RHBDF2: variants seen among roughly 807,000 people sequenced by gnomAD.
RHBDF2 encodes inactive rhomboid protein 2.
In RHBDF2, 38 loss-of-function variants were observed where a neutral mutation model predicts 95.2. The observed-to-expected ratio is 0.40, with a 90% CI of 0.31 to 0.52. RHBDF2 has a LOEUF of 0.52. RHBDF2 is among the 20% of genes least tolerant of loss of function. The pLI, the probability that RHBDF2 is intolerant of heterozygous loss-of-function variation, is 0.56. For synonymous variants in RHBDF2, 442 were observed against 462.0 expected (o/e 0.96, Z 0.55); for missense variants, 863 against 1,137.7 (o/e 0.76, Z 3.47).
At chr17:76,489,506 G>A (rs1361020217) in intron 1 of RHBDF2, among the ~76,000 whole-genome samples, 4 of 152,118 alleles carry the variant, frequency 2.6e-5, no homozygotes, top group Non-Finnish European at 5.9e-5. Flanking sequence ...TATACTTTTA[G>A]TAGAGACGGG....
At chr17:76,488,897 A>G (rs4789304) in intron 1 of RHBDF2, among the ~76,000 whole-genome samples, 145,384 of 151,846 alleles carry the variant, frequency 0.96, 69,911 homozygotes, top group Non-Finnish European at 1. Context: ...GCAGTGAGCC[A>G]AGATCGCGCC....
intron 9 of RHBDF2, chr17:76,475,889 GTTATT>G (rs2144096040): frequency 6.7e-6 from 1 of 150,128 alleles, no homozygotes; most frequent in Admixed American, 6.7e-5. Context: ...GCCATTGCTT[GTTATT>G]TTCTTTTTCT....
At chr17:76,486,678 T>C (rs55945712) in intron 2 of RHBDF2, among the ~76,000 whole-genome samples, 90,343 of 151,310 alleles carry the variant, frequency 0.6, 27,459 homozygotes, top group Middle Eastern at 0.75. Context: ...CGCGCCACTG[T>C]ACTCCAGCCT....
intron 18 of RHBDF2, 104 bp downstream of exon 18, chr17:76,472,581 AC>A (rs771158975): frequency 6.9e-7 from 1 of 1,442,608 alleles, no homozygotes; most frequent in South Asian, 1.2e-5. Flanking sequence ...GGAGCCCAGT[AC>A]AGGAGGGGCA....
rs900659839 is a variant in RHBDF2 at position 76,485,380 on chromosome 17, C to T, written c.-22+2332G>A. ...GAGCCGAAATCTCGCCATTGCACTC[C>T]AGCCTGGGCAACAACAGCAAAACTC... On this transcript the variant is annotated intron_variant, in intron 2 of 18. Transcript: ENST00000675367. Among the ~76,000 whole-genome samples, 3 of 140,194 alleles carry T rather than the reference C, an allele frequency of 2.1e-5. No individual in the cohort carries two copies. In the Admixed American group the frequency reaches 2.3e-4, roughly 11 times the overall value. The allele number at this position is 140,194 out of a possible 152,430, so 92.0% of individuals were successfully genotyped here.
chr17:76,477,345 C>T, intron 7 of RHBDF2, 47 bp from the exon 8 acceptor site: 4 of 1,585,316 alleles, frequency 2.5e-6, no homozygotes, highest in Non-Finnish European at 3.4e-6. Flanking sequence ...CTGTCCCAAA[C>T]ACTGCCCCCC....
At chr17:76,480,006 AATGTGT>A (rs1337965352) in intron 3 of RHBDF2, 152 bp from the exon 4 acceptor site, 1 of 596,006 alleles carries the variant, frequency 1.7e-6, no homozygotes, top group African/African-American at 3.7e-5. Context: ...ATATATATAT[AATGTGT>A]GTGTGTGTGT....
intron 2 of RHBDF2, among the ~76,000 whole-genome samples, chr17:76,482,751 C>T (rs370789203): frequency 2.0e-5 from 3 of 151,404 alleles, no homozygotes; most frequent in African/African-American, 4.9e-5. Flanking sequence ...CCAGCCTGGG[C>T]GACAGAGTGA....
Position 76,477,185 on chromosome 17 carries a change from G to T in RHBDF2, c.915C>A (p.Ile305=), listed in dbSNP as rs1222447049. The T allele has an allele frequency of 6.2e-7, 1 of 1,612,098 alleles. No homozygotes were observed. Among genetic ancestry groups the T allele is most frequent in the East Asian group, 2.2e-5 (1 of 44,860 alleles). Residue 305 remains isoleucine (I), a synonymous_variant, in exon 8 of 19, where the codon ATC becomes ATA. Coordinates refer to ENST00000675367, the MANE Select transcript of RHBDF2 (RefSeq NM_001005498.4). ...ASPVSPDGVQ[I]PLKEYGRAPV... is the part of the protein sequence containing the mutation. ...GACTCTGCCCCAGCACTCACAGAGG[G>T]ATTTGCACCCCATCGGGGGAGACAG... is the stretch of plus-strand genomic sequence containing the variant.
chr17:76,473,054 C>G lies in RHBDF2; in HGVS notation c.1861G>C (p.Val621Leu). 6.2e-7 allele frequency: 1 copy of G among 1,614,132 alleles called. No homozygotes were observed. Among genetic ancestry groups the G allele is most frequent in the South Asian group, 1.1e-5 (1 of 91,082 alleles). Reference sequence around the variant, plus strand: ...CAGAGCCTGTAGAACTGATCTGGGACCTCAGGGTTGAGGAAGGGCAGCAGC... The same window carrying G: ...CAGAGCCTGTAGAACTGATCTGGGAGCTCAGGGTTGAGGAAGGGCAGCAGC... ...CGLLPFLNPE[V>L]PDQFYRLWLS... Residue 621 changes from valine to leucine, a missense_variant, in exon 17 of 19, where the codon GTC becomes CTC. Around this residue, in one of 2 missense-constraint regions of RHBDF2, gnomAD observed 252 missense variants for 412.2 expected, o/e 0.61. Coordinates refer to ENST00000675367, the MANE Select transcript of RHBDF2 (RefSeq NM_001005498.4).
At chr17:76,475,795 T>C (rs1051681043) in intron 9 of RHBDF2, 2 of 152,576 alleles carry the variant, frequency 1.3e-5, no homozygotes, top group Non-Finnish European at 2.9e-5. Context: ...TTGGCCAGGC[T>C]GGTCTCGAAC....
chr17:76,475,368 AC>A (rs1160526670), intron 9 of RHBDF2, among the ~76,000 whole-genome samples: 3 of 151,228 alleles, frequency 2.0e-5, no homozygotes, highest in Non-Finnish European at 4.4e-5. Flanking sequence ...TTCCAGAATC[AC>A]CCCCTCTTGC....
At chr17:76,485,994 G>A (rs1278182630) in intron 2 of RHBDF2, among the ~76,000 whole-genome samples, 1 of 151,958 alleles carries the variant, frequency 6.6e-6, no homozygotes, top group African/African-American at 2.4e-5. Flanking sequence ...CAGCTAAAGG[G>A]TGCAGGCTTT....
rs1461438366 is a variant in RHBDF2, at chr17:76,474,442, C to T, written c.1395G>A (p.Glu465=). ...EQLVLRERDL[E]RDSGCCVQND... ...TCTGGACACAGCAGCCTGAGTCCCG[C>T]TCCAGGTCTCGCTCGCGCAGCACCA... is the stretch of plus-strand genomic sequence containing the variant. The change falls in exon 12 of 19, where the codon GAG becomes GAA. Residue 465 remains glutamate, a synonymous_variant. Transcript: ENST00000675367. 1.9e-6 allele frequency: 3 copies of T among 1,613,960 alleles called. No individual in the cohort carries two copies. The highest frequency in any genetic ancestry group is 1.7e-6 in the Non-Finnish European group (2 of 1,180,000).
rs997301601 is a variant in RHBDF2 at position 76,481,367 on chromosome 17, C to T, written c.150+8G>A. 11 of 1,608,326 alleles carry T rather than the reference C, an allele frequency of 6.8e-6. No individual in the cohort carries two copies. The highest frequency in any genetic ancestry group is 9.3e-6 in the Non-Finnish European group (11 of 1,178,190). On this transcript the variant is annotated splice_region_variant and intron_variant, in intron 3 of 18. Transcript: ENST00000675367. ...CAGAACAGTGAGCCCCCAGGCCAGCCCCCTTACCTCAGGCAGCATGCTGTC... is the reference window on the plus strand; with the variant it reads ...CAGAACAGTGAGCCCCCAGGCCAGCTCCCTTACCTCAGGCAGCATGCTGTC...
At chr17:76,499,936 G>A (rs1403000180) in intron 1 of RHBDF2, among the ~76,000 whole-genome samples, 1 of 152,094 alleles carries the variant, frequency 6.6e-6, no homozygotes, top group Non-Finnish European at 1.5e-5. Context: ...ACAGCACCTA[G>A]ACCAGCTTCC....
In RHBDF2 at chr17:76,473,245, G is replaced by C. The variant is rs200007588; in HGVS notation, c.1809+7C>G. 1 of 1,611,462 alleles carries C rather than the reference G, an allele frequency of 6.2e-7. No homozygotes were observed. Among genetic ancestry groups the C allele is most frequent in the Non-Finnish European group, 8.5e-7 (1 of 1,178,588 alleles). ...TCCTCCACTACTCCAGGCCTGCCTC[G>C]CCTCACCTGGGAGCAGAGTGTTGCT... is the stretch of plus-strand genomic sequence containing the variant. On this transcript the variant is annotated splice_region_variant and intron_variant, in intron 16 of 18. Transcript: ENST00000675367.
At chr17:76,488,347 A>G (rs1248586596) in intron 1 of RHBDF2, among the ~76,000 whole-genome samples, 1 of 151,852 alleles carries the variant, frequency 6.6e-6, no homozygotes, top group African/African-American at 2.4e-5. Context: ...TAAAAATACA[A>G]AAGTTAGCTG....
At chr17:76,482,254 G>A (rs989114382) in intron 2 of RHBDF2, among the ~76,000 whole-genome samples, 5 of 152,174 alleles carry the variant, frequency 3.3e-5, no homozygotes, top group African/African-American at 1.2e-4. Context: ...AGCACTTGGG[G>A]AGGCCGAGGT....
Sources: allele counts gnomAD v4.1 joint callset (sites outside exome capture counted in the v4.1 genomes callset), GRCh38; gene constraint gnomAD v4.1.1; regional missense constraint gnomAD v4.1.1; transcripts MANE v1.5; gene names NCBI Gene and HGNC (gene_info 2026-07-23, HGNC 2026-07-21).